EPS15: variants seen among roughly 807,000 people sequenced by gnomAD.
EPS15 encodes the protein epidermal growth factor receptor substrate 15.
In EPS15, 72 loss-of-function variants were observed where a neutral mutation model predicts 113.8. The observed-to-expected ratio is 0.63, with a 90% CI of 0.52 to 0.77. The LOEUF is 0.77. EPS15 is among the 30% of genes least tolerant of loss of function. The probability of loss-of-function intolerance (pLI) is 0.00; values close to 1 mark genes in which losing one functional copy is unlikely to be tolerated. For missense variants in EPS15, 1,048 were observed against 1,045.8 expected (o/e 1.00, Z -0.03); for synonymous variants, 344 against 363.4 (o/e 0.95, Z 0.61).
chr1:51,366,055 A>G, intron 21 of EPS15, 26 bp from the exon 22 acceptor site: 1 of 1,547,582 alleles, frequency 6.5e-7, no homozygotes, highest in South Asian at 1.1e-5. Flanking sequence ...AAAATAAATG[A>G]AACAGGACAG....
chr1:51,472,617 T>C (rs541718018), intron 3 of EPS15, among the ~76,000 whole-genome samples: 3 of 152,208 alleles, frequency 2.0e-5, no homozygotes, highest in Non-Finnish European at 2.9e-5. Context: ...AATGTACTTA[T>C]TACTTCCTCA....
chr1:51,462,852 G>A (rs1654565332), intron 7 of EPS15, among the ~76,000 whole-genome samples: 1 of 147,112 alleles, frequency 6.8e-6, no homozygotes, highest in Non-Finnish European at 1.5e-5. Flanking sequence ...AAAAAAAGAG[G>A]AAAAGTAAAA....
chr1:51,403,163 G>A (rs937434996), intron 17 of EPS15, among the ~76,000 whole-genome samples: 12 of 152,106 alleles, frequency 7.9e-5, no homozygotes, highest in African/African-American at 2.7e-4. Context: ...TTCACCTCCT[G>A]AGTAGCTGGG....
At chr1:51,386,422 T>C (rs1647075049) in intron 21 of EPS15, among the ~76,000 whole-genome samples, 1 of 152,220 alleles carries the variant, frequency 6.6e-6, no homozygotes, top group Non-Finnish European at 1.5e-5. Context: ...GAGAAGGTGA[T>C]ATCTGAATTA....
In EPS15 at chr1:51,461,023, A is replaced by G. The variant is rs1053256460; in HGVS notation, c.561+68T>C. On this transcript the variant is annotated intron_variant, in intron 8 of 24. Transcript: ENST00000371733. ...ATAGTTTTCCTCTAAGGATGAACTAAAAGAGGAAATTTGCACATGAGAAAA... is the reference window on the plus strand; with the variant it reads ...ATAGTTTTCCTCTAAGGATGAACTAGAAGAGGAAATTTGCACATGAGAAAA... The G allele has an allele frequency of 4.8e-6, 5 of 1,052,136 alleles. No homozygotes were observed. The African/African-American group carries it at 7.9e-5, about 17-fold the overall frequency. The allele number at this position is 1,052,136 out of a possible 1,614,324, so 65.2% of individuals were successfully genotyped here. A position where few individuals can be genotyped will look rare whatever the true frequency, so the allele number is the denominator to read the frequency against.
At chr1:51,453,781 C>T (rs1307300113) in intron 8 of EPS15, among the ~76,000 whole-genome samples, 1 of 151,922 alleles carries the variant, frequency 6.6e-6, no homozygotes, top group Admixed American at 6.6e-5. Flanking sequence ...TTTCATTTTC[C>T]ATGCTTTTAG....
chr1:51,477,323 G>C (rs1365593001), intron 2 of EPS15, among the ~76,000 whole-genome samples: 1 of 151,876 alleles, frequency 6.6e-6, no homozygotes, highest in Non-Finnish European at 1.5e-5. Flanking sequence ...TTTTTATTGT[G>C]TCTATTTGAT....
At chr1:51,396,591 C>T (rs2148409307) in intron 20 of EPS15, among the ~76,000 whole-genome samples, 1 of 152,206 alleles carries the variant, frequency 6.6e-6, no homozygotes, top group South Asian at 2.1e-4. Context: ...GATTTGCCAT[C>T]ACAAGGAGAA....
intron 22 of EPS15, 114 bp downstream of exon 22, chr1:51,365,839 G>A: frequency 1.7e-6 from 1 of 602,310 alleles, no homozygotes; most frequent in Non-Finnish European, 2.9e-6. Flanking sequence ...CATTTGCTGT[G>A]ATTTACTGAA....
intron 1 of EPS15, among the ~76,000 whole-genome samples, chr1:51,505,472 T>G (rs1644483118): frequency 6.6e-6 from 1 of 152,132 alleles, no homozygotes; most frequent in Non-Finnish European, 1.5e-5. Context: ...AATAACAAAC[T>G]CTATAGAGAC....
At chr1:51,371,918 A>G (rs79774254) in intron 21 of EPS15, among the ~76,000 whole-genome samples, 2,931 of 152,304 alleles carry the variant, frequency 0.019, 46 homozygotes, top group Non-Finnish European at 0.031. Flanking sequence ...ATGTTTAGAT[A>G]CATAAATACT....
At chr1:51,507,935 T>C (rs1644526468) in intron 1 of EPS15, among the ~76,000 whole-genome samples, 2 of 151,950 alleles carry the variant, frequency 1.3e-5, no homozygotes, top group South Asian at 4.1e-4. Context: ...TCCAGCACTT[T>C]GGGAGGCCGA....
intron 1 of EPS15, among the ~76,000 whole-genome samples, chr1:51,496,494 C>T (rs1644325531): frequency 6.6e-6 from 1 of 152,170 alleles, no homozygotes; most frequent in South Asian, 2.1e-4. Context: ...TAAAAGCATA[C>T]TTTTTATTCA....
At position 51,394,438 on chromosome 1, in the gene EPS15, A is replaced by G. The variant is rs1175022641; in HGVS notation, c.2062T>C (p.Leu688=). The G allele has an allele frequency of 1.2e-6, 2 of 1,601,712 alleles. No homozygotes were observed. The highest frequency in any genetic ancestry group is 1.7e-6 in the Non-Finnish European group (2 of 1,171,734). ...GGAGCAAAAGGATCATTGTGCTTCA[A>G]CGTTTCTACCTAAACAAAGCATACA... The part of the protein sequence containing the change: ...NNSSITSVET[L]KHNDPFAPGG... Residue 688 remains leucine, a synonymous_variant, in exon 21 of 25, where the codon TTG becomes CTG. Transcript: ENST00000371733.
At chr1:51,477,800 T>G (rs1643938918) in intron 2 of EPS15, among the ~76,000 whole-genome samples, 1 of 152,234 alleles carries the variant, frequency 6.6e-6, no homozygotes, top group African/African-American at 2.4e-5. Flanking sequence ...CTAGTTTGAT[T>G]GCACTGTGGT....
Position 51,356,181 on chromosome 1 carries a change from A to G in EPS15, c.*519T>C, listed in dbSNP as rs1210068462. ...CAAAATATTTTTCCTTATCTCTGAA[A>G]AACAAATTAAGTAGAGGAAATTTAA... On this transcript the variant is annotated 3_prime_UTR_variant, in exon 25 of 25. Transcript: ENST00000371733. The G allele has an allele frequency of 1.4e-5, 3 of 211,704 alleles. No homozygotes were observed. Among genetic ancestry groups the G allele is most frequent in the Non-Finnish European group, 1.9e-5 (2 of 104,522 alleles). The allele number at this position is 211,704 out of a possible 1,614,324, so 13.1% of individuals were successfully genotyped here.
chr1:51,411,226 T>C (rs1649690777), intron 13 of EPS15, among the ~76,000 whole-genome samples: 1 of 152,228 alleles, frequency 6.6e-6, no homozygotes, highest in Non-Finnish European at 1.5e-5. Context: ...TCTAAAAATA[T>C]CATGTTGCTT....
At chr1:51,499,790 T>G (rs972621138) in intron 1 of EPS15, among the ~76,000 whole-genome samples, 1 of 152,230 alleles carries the variant, frequency 6.6e-6, no homozygotes, top group East Asian at 1.9e-4. Context: ...TGTTCTACTT[T>G]TTTATTATGG....
chr1:51,508,238 G>GAAAAGAAAAGA (rs770490796), intron 1 of EPS15, among the ~76,000 whole-genome samples: 769 of 64,586 alleles, frequency 0.012, 14 homozygotes, highest in African/African-American at 0.036. Context: ...GAAAAGAAAA[G>GAAAAGAAAAGA]AAAGAGAGAA....
Sources: gnomAD v4.1 joint callset for allele counts (sites outside exome capture counted in the v4.1 genomes callset) on GRCh38, gnomAD v4.1.1 for gene constraint, MANE v1.5 for transcripts, NCBI Gene and HGNC (gene_info 2026-07-23, HGNC 2026-07-21) for gene names.